Variants in PRKD1 observed in about 807,000 individuals in gnomAD.
PRKD1 encodes the protein protein kinase D1.
Under a neutral mutation model 95.9 loss-of-function variants are expected in PRKD1, and 63 were observed. The ratio of observed to expected loss-of-function variants is 0.66; its 90% CI spans 0.54 to 0.81. PRKD1 has a LOEUF of 0.81. Ranked by LOEUF, PRKD1 falls within the 30% of genes least tolerant of loss-of-function variation. The pLI, the probability that PRKD1 is intolerant of heterozygous loss-of-function variation, is 0.00. For missense variants in PRKD1, 1,048 were observed against 1,165.3 expected (o/e 0.90, Z 1.47); for synonymous variants, 425 against 423.1 (o/e 1.00, Z -0.05).
chr14:29,769,565 A>T (rs1387231049), intron 1 of PRKD1, among the ~76,000 whole-genome samples: 2 of 152,124 alleles, frequency 1.3e-5, no homozygotes, highest in Non-Finnish European at 2.9e-5. Flanking sequence ...TCTCCCGAAA[A>T]AAATAAATAA....
At chr14:29,810,954 C>G (rs1409512832) in intron 1 of PRKD1, among the ~76,000 whole-genome samples, 1 of 152,186 alleles carries the variant, frequency 6.6e-6, no homozygotes, top group Non-Finnish European at 1.5e-5. Context: ...TTGTGCTGCT[C>G]TAGTCTCCAC....
At chr14:29,920,282 G>A (rs1488368675) in intron 1 of PRKD1, among the ~76,000 whole-genome samples, 1 of 152,092 alleles carries the variant, frequency 6.6e-6, no homozygotes, top group East Asian at 1.9e-4. Context: ...GAAATTAAAA[G>A]ATGAGTAGTA....
At chr14:29,664,004 T>C (rs1882340007) in intron 3 of PRKD1, 145 bp from the exon 4 acceptor site, 1 of 908,616 alleles carries the variant, frequency 1.1e-6, no homozygotes, top group African/African-American at 1.7e-5. Flanking sequence ...TTTTGAACAT[T>C]CTCTGAATTT....
chr14:29,802,207 G>A (rs141179986), intron 1 of PRKD1, among the ~76,000 whole-genome samples: 1 of 151,850 alleles, frequency 6.6e-6, no homozygotes, highest in African/African-American at 2.4e-5. Flanking sequence ...TGAGACTACA[G>A]AAAAAACAAA....
At chr14:29,663,148 C>CATATATAT (rs61506580) in intron 4 of PRKD1, among the ~76,000 whole-genome samples, 6,180 of 131,458 alleles carry the variant, frequency 0.047, 180 homozygotes, top group African/African-American at 0.074. Context: ...AATATTCTTC[C>CATATATAT]ATATATATAT....
At chr14:29,653,346 C>T (rs1214594766) in intron 4 of PRKD1, among the ~76,000 whole-genome samples, 1 of 151,944 alleles carries the variant, frequency 6.6e-6, no homozygotes, top group Admixed American at 6.6e-5. Context: ...CATTTAATTC[C>T]AAGAAAAAAT....
chr14:29,927,688 G>A lies in PRKD1; in HGVS notation c.-176C>T. On this transcript the variant is annotated 5_prime_UTR_variant, in exon 1 of 18. Transcript: ENST00000331968. ...GGGCAAGGGGATGAGGATCGGGAGG[G>A]GAGGGGACTAAGGGGAGGAGATGGG... 1 of 260,860 alleles carries A rather than the reference G, an allele frequency of 3.8e-6. No homozygotes were observed. The highest frequency in any genetic ancestry group is 1.6e-4 in the South Asian group (1 of 6,444). 16.2% of individuals were successfully genotyped at this position (260,860 alleles called of 1,614,324 possible).
chr14:29,652,323 A>T (rs773115031), intron 4 of PRKD1, among the ~76,000 whole-genome samples: 1 of 152,244 alleles, frequency 6.6e-6, no homozygotes, highest in Non-Finnish European at 1.5e-5. Flanking sequence ...GTGTGAGGCA[A>T]TTGGTATATG....
At chr14:29,897,033 T>C (rs918178538) in intron 1 of PRKD1, among the ~76,000 whole-genome samples, 22 of 151,932 alleles carry the variant, frequency 1.4e-4, no homozygotes, top group African/African-American at 5.1e-4. Flanking sequence ...AAAATATCTA[T>C]GATCCTACTA....
intron 2 of PRKD1, among the ~76,000 whole-genome samples, chr14:29,666,713 T>C (rs941971661): frequency 1.3e-5 from 2 of 152,092 alleles, no homozygotes; most frequent in African/African-American, 4.8e-5. Context: ...GGCTTCCTTA[T>C]ATAGGGATAG....
intron 1 of PRKD1, among the ~76,000 whole-genome samples, chr14:29,923,243 AAAAC>A: frequency 6.6e-6 from 1 of 151,324 alleles, no homozygotes; most frequent in Middle Eastern, 3.2e-3. Flanking sequence ...AAAAAAAAAA[AAAAC>A]ACACAGTAAA....
chr14:29,780,999 T>C (rs1229153061), intron 1 of PRKD1, among the ~76,000 whole-genome samples: 1 of 151,992 alleles, frequency 6.6e-6, no homozygotes, highest in African/African-American at 2.4e-5. Context: ...GGGACATGGA[T>C]GAAGCTGGAA....
intron 4 of PRKD1, among the ~76,000 whole-genome samples, chr14:29,648,164 G>A (rs1036973950): frequency 1.3e-5 from 2 of 150,486 alleles, no homozygotes; most frequent in African/African-American, 5.0e-5. Context: ...CTTCAAGGGG[G>A]TTCACCAATG....
chr14:29,740,192 T>C (rs1292910895), intron 1 of PRKD1, among the ~76,000 whole-genome samples: 1 of 152,208 alleles, frequency 6.6e-6, no homozygotes. Context: ...GAAAAAAATG[T>C]ACTTCACACT....
intron 1 of PRKD1, among the ~76,000 whole-genome samples, chr14:29,794,912 C>T (rs45468496): frequency 1.9e-3 from 286 of 152,252 alleles, no homozygotes; most frequent in African/African-American, 6.4e-3. Flanking sequence ...AACATCCCTA[C>T]AGACTCACTA....
chr14:29,893,773 G>A (rs1229886713), intron 1 of PRKD1, among the ~76,000 whole-genome samples: 1 of 152,072 alleles, frequency 6.6e-6, no homozygotes, highest in East Asian at 1.9e-4. Flanking sequence ...CTAATTTTCA[G>A]TTCTAAGTGT....
At chr14:29,905,460 TTAAA>T (rs1250926851) in intron 1 of PRKD1, among the ~76,000 whole-genome samples, 2 of 152,134 alleles carry the variant, frequency 1.3e-5, no homozygotes, top group Non-Finnish European at 1.5e-5. Context: ...CTTGATAACT[TTAAA>T]TAACCATTTG....
At chr14:29,657,978 G>C (rs1308220660) in intron 4 of PRKD1, 1 of 152,146 alleles carries the variant, frequency 6.6e-6, no homozygotes, top group Non-Finnish European at 1.5e-5. Context: ...CATTTGAAAA[G>C]AACCAAACAT....
chr14:29,577,182 T>C lies in PRKD1; in HGVS notation c.*56A>G. The C allele has an allele frequency of 6.5e-7, 1 of 1,538,046 alleles. No individual in the cohort carries two copies. The highest frequency in any genetic ancestry group is 9.0e-7 in the Non-Finnish European group (1 of 1,114,196). ...AGTTCTGCAAGGCAAATGTTAAACC[T>C]GACCGTATGTATTTATTAGTTCCAC... On this transcript the variant is annotated 3_prime_UTR_variant, in exon 18 of 18. Transcript: ENST00000331968.
Sources: gnomAD v4.1 joint callset for allele counts (sites outside exome capture counted in the v4.1 genomes callset) on GRCh38, gnomAD v4.1.1 for gene constraint, MANE v1.5 for transcripts, NCBI Gene and HGNC (gene_info 2026-07-23, HGNC 2026-07-21) for gene names.